PILRB: variants seen among roughly 807,000 people sequenced by gnomAD.
The protein encoded by PILRB is paired immunoglobulin-like type 2 receptor beta.
PILRB carries 21 observed loss-of-function variants against 20.5 expected under a neutral mutation model. The ratio of observed to expected loss-of-function variants is 1.02; its 90% CI spans 0.72 to 1.47. The LOEUF (loss-of-function observed/expected upper bound fraction) is 1.47, where lower values mean the gene tolerates loss of function less well. Ranked by LOEUF, PILRB falls within the 40% of genes most tolerant of loss-of-function variation. The pLI is 0.00. For missense variants in PILRB, 253 were observed against 272.1 expected (o/e 0.93, Z 0.49); for synonymous variants, 133 against 115.1 (o/e 1.16, Z -0.99).
At chr7:100,365,624 G>T (rs1446429259) in intron 3 of PILRB, among the ~76,000 whole-genome samples, 2 of 152,238 alleles carry the variant, frequency 1.3e-5, no homozygotes, top group South Asian at 4.1e-4. Context: ...TTCGAGCCCA[G>T]CCTGGCCAAC....
At chr7:100,365,717 C>T (rs1790662739) in intron 3 of PILRB, among the ~76,000 whole-genome samples, 1 of 152,030 alleles carries the variant, frequency 6.6e-6, no homozygotes, top group African/African-American at 2.4e-5. Context: ...GCTCGGGAAC[C>T]TAAGGCAGGA....
chr7:100,359,501 C>G lies in PILRB; in HGVS notation c.619C>G (p.Leu207Val). Reference sequence around the variant, plus strand: ...GCTCAAAACTGTCATTTTGGGACTGCTGTGCCTCCTCCTCCTGTGGTGGAG... The same window carrying G: ...GCTCAAAACTGTCATTTTGGGACTGGTGTGCCTCCTCCTCCTGTGGTGGAG... ...AVLKTVILGL[L>V]CLLLLWWRRR... Residue 207 changes from leucine (L) to valine (V), a missense_variant, in exon 3 of 4, where the codon CTG (leucine) becomes GTG (valine). Leu to Val is a conservative substitution (Grantham distance 32, BLOSUM62 1). Transcript: ENST00000609309. The G allele has an allele frequency of 6.2e-7, 1 of 1,610,188 alleles. No individual in the cohort carries two copies. Among genetic ancestry groups the G allele is most frequent in the Non-Finnish European group, 8.5e-7 (1 of 1,177,918 alleles).
At chr7:100,361,156 C>A (rs1356421883) in intron 3 of PILRB, among the ~76,000 whole-genome samples, 1 of 151,992 alleles carries the variant, frequency 6.6e-6, no homozygotes, top group South Asian at 2.1e-4. Context: ...AGGATGGTCT[C>A]GATCTCCTGA....
In PILRB at chr7:100,358,298, A is replaced by C; in HGVS notation, c.-5A>C. 1 of 1,612,682 alleles carries C rather than the reference A, an allele frequency of 6.2e-7. No homozygotes were observed. Among genetic ancestry groups the C allele is most frequent in the South Asian group, 1.1e-5 (1 of 91,062 alleles). ...TCTCCCCGTCCCCTGGAGAAGAACAAGGCCATGGGTCGGCCCCTGCTGCTG... is the reference window on the plus strand; with the variant it reads ...TCTCCCCGTCCCCTGGAGAAGAACACGGCCATGGGTCGGCCCCTGCTGCTG... On this transcript the variant is annotated 5_prime_UTR_variant, in exon 1 of 4. Coordinates refer to ENST00000609309, the MANE Select transcript of PILRB (RefSeq NM_178238.4).
In PILRB at chr7:100,367,501, T is replaced by C; in HGVS notation, c.*124T>C. 1.4e-6 allele frequency: 1 copy of C among 719,658 alleles called. No individual in the cohort carries two copies. The highest frequency in any genetic ancestry group is 2.6e-6 in the Non-Finnish European group (1 of 382,102). The allele number at this position is 719,658 out of a possible 1,614,324, so 44.6% of individuals were successfully genotyped here. A position where few individuals can be genotyped will look rare whatever the true frequency, so the allele number is the denominator to read the frequency against. On this transcript the variant is annotated 3_prime_UTR_variant, in exon 4 of 4. Coordinates refer to ENST00000609309, the MANE Select transcript of PILRB (RefSeq NM_178238.4). ...ACATGGAGAGCACCCTGAGGACCTT[T>C]AAAAGGCAAAGCCGCAAGGCAGAAG...
At chr7:100,365,684 C>T (rs899526556) in intron 3 of PILRB, among the ~76,000 whole-genome samples, 27 of 151,848 alleles carry the variant, frequency 1.8e-4, no homozygotes, top group Admixed American at 7.2e-4. Context: ...GCTGGTGTGG[C>T]GGGGGCACCT....
chr7:100,363,442 AAAGT>A (rs1790588991), intron 3 of PILRB, among the ~76,000 whole-genome samples: 2 of 152,240 alleles, frequency 1.3e-5, no homozygotes, highest in African/African-American at 2.4e-5. Flanking sequence ...GTCAAAAAAT[AAAGT>A]AAGATCTTTA....
chr7:100,365,811 CTG>C (rs1391592095), intron 3 of PILRB, among the ~76,000 whole-genome samples: 3 of 152,026 alleles, frequency 2.0e-5, no homozygotes, highest in Admixed American at 6.6e-5. Context: ...CAGCAAGACT[CTG>C]TCTCAAAAAA....
intron 3 of PILRB, among the ~76,000 whole-genome samples, chr7:100,365,002 T>G (rs144725096): frequency 1.3e-4 from 20 of 152,188 alleles, no homozygotes; most frequent in Admixed American, 1.1e-3. Context: ...ATCTTTTTTA[T>G]TTAGTTATTT....
At chr7:100,362,728 C>T (rs554127364) in intron 3 of PILRB, among the ~76,000 whole-genome samples, 67 of 152,112 alleles carry the variant, frequency 4.4e-4, no homozygotes, top group Middle Eastern at 3.4e-3. Context: ...AGGCTGGTCT[C>T]GAACTCCCGA....
At chr7:100,366,160 T>C (rs1377405922) in intron 3 of PILRB, among the ~76,000 whole-genome samples, 1 of 152,050 alleles carries the variant, frequency 6.6e-6, no homozygotes, top group Non-Finnish European at 1.5e-5. Flanking sequence ...CACCATATTG[T>C]TCAGGCTGAT....
In PILRB at chr7:100,359,382, T is replaced by A; in HGVS notation, c.500T>A (p.Ile167Lys). The change falls in exon 3 of 4, where the codon ATA becomes AAA. Residue 167 changes from isoleucine (I) to lysine (K), a missense_variant. By Grantham distance (102) the Ile-to-Lys change is moderately radical. Transcript: ENST00000609309. Reference protein sequence around the residue: ...TTWRPSSTTTIAGLRVTESKG... With the variant: ...TTWRPSSTTTKAGLRVTESKG... Reference sequence around the variant, plus strand: ...TGGAGGCCCAGCAGCACAACCACCATAGCCGGCCTCAGGGTCACAGAAAGC... The same window carrying A: ...TGGAGGCCCAGCAGCACAACCACCAAAGCCGGCCTCAGGGTCACAGAAAGC... 2 of 1,614,096 alleles carry A rather than the reference T, an allele frequency of 1.2e-6. No homozygotes were observed. The highest frequency in any genetic ancestry group is 1.7e-6 in the Non-Finnish European group (2 of 1,180,006).
At chr7:100,362,375 G>A (rs918410528) in intron 3 of PILRB, among the ~76,000 whole-genome samples, 1 of 152,144 alleles carries the variant, frequency 6.6e-6, no homozygotes, top group African/African-American at 2.4e-5. Flanking sequence ...TGACCAAGTT[G>A]GAGATAGCCC....
At chr7:100,358,512 C>A in intron 1 of PILRB, 146 bp downstream of exon 1, 1 of 1,255,040 alleles carries the variant, frequency 8.0e-7, no homozygotes, top group Non-Finnish European at 1.1e-6. Flanking sequence ...GTGCCGCCAT[C>A]TCTTCCCCCT....
At position 100,359,623 on chromosome 7, in the gene PILRB, A is replaced by G. The variant is rs564590297; in HGVS notation, c.655+86A>G. ...CCTGCAGCTAAGGGACTTCAGAAAT[A>G]TGCAGACCCTGCTGGCTCCCCTCAA... On this transcript the variant is annotated intron_variant, in intron 3 of 3. Coordinates refer to ENST00000609309, the MANE Select transcript of PILRB (RefSeq NM_178238.4). 73 of 1,153,338 alleles carry G rather than the reference A, an allele frequency of 6.3e-5. No individual in the cohort carries two copies. The African/African-American group carries it at 8.8e-4, about 14-fold the overall frequency. 71.4% of individuals were successfully genotyped at this position (1,153,338 alleles called of 1,614,324 possible).
intron 3 of PILRB, among the ~76,000 whole-genome samples, chr7:100,360,767 A>G (rs952601747): frequency 1.3e-5 from 2 of 152,072 alleles, no homozygotes; most frequent in African/African-American, 4.8e-5. Flanking sequence ...ATAAAAACCA[A>G]TGAGATTGTT....
At chr7:100,360,041 C>T (rs1178605573) in intron 3 of PILRB, among the ~76,000 whole-genome samples, 1 of 150,304 alleles carries the variant, frequency 6.7e-6, no homozygotes, top group Admixed American at 6.6e-5. Flanking sequence ...AACAAACAAA[C>T]AAAAAAAGCC....
chr7:100,358,327 C>CTGCT lies in PILRB; in HGVS notation c.26_29dup (p.Leu11AlafsTer211). ...CATGGGTCGGCCCCTGCTGCTGCCC[C>CTGCT]TGCTGCTCCTGCTGCAGCCGCCAGC... On this transcript the variant is annotated frameshift_variant, in exon 1 of 4. Transcript: ENST00000609309. LOFTEE classifies it high-confidence loss of function. 1 of 1,612,898 alleles carries CTGCT rather than the reference C, an allele frequency of 6.2e-7. No homozygotes were observed. Among genetic ancestry groups the CTGCT allele is most frequent in the Non-Finnish European group, 8.5e-7 (1 of 1,180,002 alleles).
intron 3 of PILRB, among the ~76,000 whole-genome samples, chr7:100,366,917 G>A (rs757271687): frequency 1.6e-4 from 24 of 152,250 alleles, no homozygotes; most frequent in Admixed American, 3.3e-4. Context: ...AACAGGTCGG[G>A]GGGGAGCCTC....
Sources: gnomAD v4.1 joint callset for allele counts (sites outside exome capture counted in the v4.1 genomes callset) on GRCh38, gnomAD v4.1.1 for gene constraint, MANE v1.5 for transcripts, NCBI Gene and HGNC (gene_info 2026-07-23, HGNC 2026-07-21) for gene names.